Variants in VPS13A observed in about 807,000 individuals in gnomAD.
VPS13A encodes vacuolar protein sorting 13 homolog A.
A neutral mutation model predicts 390.9 loss-of-function variants in VPS13A; 264 were observed. The ratio of observed to expected loss-of-function variants is 0.68; its 90% CI spans 0.61 to 0.75. The LOEUF is 0.75. Among genes scored for constraint, VPS13A ranks in the 30% least tolerant of loss-of-function variants. The pLI is 0.00. For missense variants in VPS13A, 3,409 were observed against 3,733.9 expected, an observed-to-expected ratio of 0.91 and a Z score of 2.27; for synonymous variants, 1,231 against 1,227.1, an observed-to-expected ratio of 1.00 and a Z score of -0.07.
intron 31 of VPS13A, among the ~76,000 whole-genome samples, chr9:77,292,787 T>C (rs55856900): frequency 0.081 from 12,325 of 152,202 alleles, 618 homozygotes; most frequent in East Asian, 0.13. Flanking sequence ...TTAACTGTTA[T>C]TGCAGAGCTT....
chr9:77,201,510 C>A, intron 3 of VPS13A, 103 bp downstream of exon 3: 1 of 1,038,902 alleles, frequency 9.6e-7, no homozygotes, highest in Non-Finnish European at 1.5e-6. Flanking sequence ...TTCTGAGCAT[C>A]AATTAAAAAT....
At position 77,232,319 on chromosome 9, in the gene VPS13A, A is replaced by G. The variant is rs1029524270; in HGVS notation, c.1595+4055A>G. Among the ~76,000 whole-genome samples, 4 of 152,318 alleles carry G rather than the reference A, an allele frequency of 2.6e-5. 1 individual carries two copies. The highest frequency in any genetic ancestry group is 2.6e-4 in the Admixed American group (4 of 15,286). ...GGAAAGTGTCTCTTTGAAATTTGAT[A>G]GGGATTGCATTCAGTATGTAGATTG... On this transcript the variant is annotated intron_variant, in intron 17 of 71. Transcript: ENST00000360280.
intron 15 of VPS13A, 42 bp downstream of exon 15, chr9:77,226,640 T>A: frequency 6.3e-7 from 1 of 1,592,012 alleles, no homozygotes; most frequent in Non-Finnish European, 8.6e-7. Context: ...TCACTGGGTG[T>A]CAAAATAAAG....
At chr9:77,308,161 T>C (rs1828878401) in intron 35 of VPS13A, 63 bp downstream of exon 35, 2 of 1,528,554 alleles carry the variant, frequency 1.3e-6, no homozygotes, top group Non-Finnish European at 1.8e-6. Flanking sequence ...TTCTATCTTC[T>C]TCCCTCCCCT....
At chr9:77,218,852 C>T (rs1405085263) in intron 10 of VPS13A, among the ~76,000 whole-genome samples, 3 of 152,072 alleles carry the variant, frequency 2.0e-5, no homozygotes, top group Non-Finnish European at 4.4e-5. Flanking sequence ...TGTAATTGCT[C>T]AGCAGCATTA....
chr9:77,334,783 T>C (rs1700676569), intron 46 of VPS13A, among the ~76,000 whole-genome samples: 1 of 152,226 alleles, frequency 6.6e-6, no homozygotes, highest in Admixed American at 6.5e-5. Context: ...GTTTTGTCTT[T>C]AAGTATTAGA....
intron 68 of VPS13A, chr9:77,382,675 C>CT: frequency 1.2e-5 from 12 of 993,164 alleles, no homozygotes; most frequent in Non-Finnish European, 1.4e-5. Flanking sequence ...GTGAATTACT[C>CT]TTGGATTCTT....
intron 68 of VPS13A, among the ~76,000 whole-genome samples, chr9:77,387,652 TAAAAC>T (rs963502655): frequency 9.2e-5 from 14 of 152,286 alleles, no homozygotes; most frequent in Non-Finnish European, 1.9e-4. Context: ...GGGATATAAA[TAAAAC>T]AAATGTAAAT....
At chr9:77,336,748 A>G (rs1361631191) in intron 46 of VPS13A, among the ~76,000 whole-genome samples, 1 of 151,960 alleles carries the variant, frequency 6.6e-6, no homozygotes, top group Non-Finnish European at 1.5e-5. Context: ...TCCTCTTAAA[A>G]GTCAAACAAC....
At chr9:77,268,308 G>A (rs763476510) in intron 23 of VPS13A, among the ~76,000 whole-genome samples, 23 of 152,156 alleles carry the variant, frequency 1.5e-4, no homozygotes, top group Admixed American at 1.2e-3. Context: ...CTGGTCTGCC[G>A]GTTGCGAAGA....
chr9:77,396,761 A>G (rs1281826395), intron 68 of VPS13A, among the ~76,000 whole-genome samples: 2 of 152,136 alleles, frequency 1.3e-5, no homozygotes, highest in African/African-American at 4.8e-5. Flanking sequence ...TTGTCTATTT[A>G]CTTCTTAAAT....
intron 23 of VPS13A, among the ~76,000 whole-genome samples, chr9:77,269,141 T>G (rs1826212518): frequency 6.6e-6 from 1 of 152,156 alleles, no homozygotes; most frequent in Non-Finnish European, 1.5e-5. Flanking sequence ...TCTCTGCAAT[T>G]TTTGCCTAAT....
At chr9:77,350,065 T>C (rs745413000) in intron 52 of VPS13A, among the ~76,000 whole-genome samples, 11 of 152,358 alleles carry the variant, frequency 7.2e-5, no homozygotes, top group East Asian at 1.9e-4. Context: ...AAAATACATA[T>C]TCTGTTTCGG....
At chr9:77,334,619 A>G (rs1296530403) in intron 46 of VPS13A, among the ~76,000 whole-genome samples, 3 of 152,310 alleles carry the variant, frequency 2.0e-5, no homozygotes, top group South Asian at 2.1e-4. Context: ...TGCAGTAGTT[A>G]TCTTTTAACA....
In VPS13A at chr9:77,276,048, TTTTC is replaced by T. The variant is rs1327466153; in HGVS notation, c.2668-10_2668-7del. 3 of 1,609,116 alleles carry T rather than the reference TTTTC, an allele frequency of 1.9e-6. No homozygotes were observed. Among genetic ancestry groups the T allele is most frequent in the African/African-American group, 2.7e-5 (2 of 74,898 alleles). ...TTGTTTTATGTAGTGGTAATTTCTT[TTTTC>T]TTTCTTCTCCAGGTTTTGATCGAGT... On this transcript the variant is annotated splice_polypyrimidine_tract_variant and intron_variant, in intron 25 of 71. Coordinates refer to ENST00000360280, the MANE Select transcript of VPS13A (RefSeq NM_033305.3).
At chr9:77,217,194 G>A (rs1822913392) in intron 10 of VPS13A, among the ~76,000 whole-genome samples, 1 of 152,194 alleles carries the variant, frequency 6.6e-6, no homozygotes, top group South Asian at 2.1e-4. Context: ...GACGAGGGCA[G>A]TATTCTCAAA....
At chr9:77,359,749 C>CA (rs1402381599) in intron 58 of VPS13A, among the ~76,000 whole-genome samples, 1 of 148,650 alleles carries the variant, frequency 6.7e-6, no homozygotes, top group African/African-American at 2.5e-5. Flanking sequence ...ACCCAGGAGG[C>CA]AGAGCTTGCA....
intron 46 of VPS13A, among the ~76,000 whole-genome samples, chr9:77,334,723 G>A (rs1025599030): frequency 1.3e-5 from 2 of 152,068 alleles, no homozygotes; most frequent in Non-Finnish European, 2.9e-5. Flanking sequence ...TAAATGTTTT[G>A]ATAAACTGGA....
chr9:77,291,586 T>C (rs748659869), intron 31 of VPS13A, among the ~76,000 whole-genome samples: 1 of 152,158 alleles, frequency 6.6e-6, no homozygotes, highest in Non-Finnish European at 1.5e-5. Flanking sequence ...CTGGAGGCTG[T>C]GTTGCTCAGA....
Sources: allele counts gnomAD v4.1 joint callset (sites outside exome capture counted in the v4.1 genomes callset), GRCh38; gene constraint gnomAD v4.1.1; transcripts MANE v1.5; gene names NCBI Gene and HGNC (gene_info 2026-07-23, HGNC 2026-07-21).